MKNK1: variants seen among roughly 807,000 people sequenced by gnomAD.
The protein encoded by MKNK1 is MAPK interacting serine/threonine kinase 1.
MKNK1 carries 30 observed loss-of-function variants against 49.3 expected under a neutral mutation model. The ratio of observed to expected loss-of-function variants is 0.61; its 90% CI spans 0.46 to 0.83. The LOEUF is 0.83. MKNK1 is among the 40% of genes least tolerant of loss of function. The probability of loss-of-function intolerance (pLI) is 0.00; values close to 1 mark genes in which losing one functional copy is unlikely to be tolerated. For synonymous variants in MKNK1, 176 were observed against 201.7 expected, an observed-to-expected ratio of 0.87 and a Z score of 1.08; for missense variants, 423 against 524.7, an observed-to-expected ratio of 0.81 and a Z score of 1.89.
intron 2 of MKNK1, among the ~76,000 whole-genome samples, chr1:46,585,718 C>T (rs555181206): frequency 9.9e-5 from 15 of 152,214 alleles, no homozygotes; most frequent in East Asian, 3.9e-4. Flanking sequence ...CTCAGGCACA[C>T]GACTCTAATG....
At chr1:46,592,935 C>T (rs1055934192) in intron 2 of MKNK1, among the ~76,000 whole-genome samples, 3 of 151,826 alleles carry the variant, frequency 2.0e-5, no homozygotes, top group African/African-American at 7.3e-5. Context: ...TGGCTGGGGA[C>T]GGGGAGCAGG....
At chr1:46,578,609 CAG>C (rs1447793853) in intron 4 of MKNK1, among the ~76,000 whole-genome samples, 2 of 139,860 alleles carry the variant, frequency 1.4e-5, no homozygotes, top group Non-Finnish European at 1.5e-5. Context: ...TTTTTTGAGA[CAG>C]AGTCTCCCTC....
intron 3 of MKNK1, among the ~76,000 whole-genome samples, chr1:46,581,942 C>A (rs1250443803): frequency 6.6e-6 from 1 of 152,140 alleles, no homozygotes; most frequent in African/African-American, 2.4e-5. Flanking sequence ...CATCCCCACT[C>A]GGCCTCCATT....
chr1:46,588,890 G>GAGAGCT (rs1201812713), intron 2 of MKNK1, among the ~76,000 whole-genome samples: 1 of 152,086 alleles, frequency 6.6e-6, no homozygotes, highest in Non-Finnish European at 1.5e-5. Flanking sequence ...ATTGGAGCCT[G>GAGAGCT]AGAGCTATGG....
At chr1:46,590,642 C>T (rs1673195053) in intron 2 of MKNK1, among the ~76,000 whole-genome samples, 1 of 152,214 alleles carries the variant, frequency 6.6e-6, no homozygotes, top group South Asian at 2.1e-4. Context: ...AACCTTAATG[C>T]TGAAAGGCAG....
intron 2 of MKNK1, among the ~76,000 whole-genome samples, chr1:46,586,963 A>G (rs1191299117): frequency 6.6e-6 from 1 of 152,102 alleles, no homozygotes; most frequent in Non-Finnish European, 1.5e-5. Flanking sequence ...ACATGCCACC[A>G]TGTCCGGCTA....
At chr1:46,573,788 T>G (rs1670558231) in intron 6 of MKNK1, 1 of 151,292 alleles carries the variant, frequency 6.6e-6, no homozygotes, top group African/African-American at 2.4e-5. Context: ...GGCTGGAGTG[T>G]AGTGGTGCGA....
Position 46,562,637 on chromosome 1 carries a change from G to A in MKNK1, c.804+12C>T. ...GCAGGGTCTACGCAGTGCTCCCTGG[G>A]GCCGCACTCACCTGGCACACCCTGC... On this transcript the variant is annotated intron_variant, in intron 10 of 12. Coordinates refer to ENST00000371945, the MANE Select transcript of MKNK1 (RefSeq NM_001135553.4). 6.5e-7 allele frequency: 1 copy of A among 1,549,790 alleles called. No individual in the cohort carries two copies. The highest frequency in any genetic ancestry group is 8.7e-7 in the Non-Finnish European group (1 of 1,146,902).
At chr1:46,588,664 G>A (rs1444433136) in intron 2 of MKNK1, among the ~76,000 whole-genome samples, 6 of 152,060 alleles carry the variant, frequency 3.9e-5, no homozygotes, top group African/African-American at 9.7e-5. Flanking sequence ...AAAATTAGCC[G>A]GGCGAGGTGG....
chr1:46,564,474 T>C (rs1171786857), intron 9 of MKNK1, among the ~76,000 whole-genome samples: 1 of 30,292 alleles, frequency 3.3e-5, no homozygotes, highest in Non-Finnish European at 1.7e-4. Flanking sequence ...TTGTTTTTTT[T>C]TTTTTTTTTT....
intron 9 of MKNK1, 45 bp downstream of exon 9, chr1:46,564,996 G>C (rs754411299): frequency 1.9e-6 from 3 of 1,579,350 alleles, no homozygotes; most frequent in Non-Finnish European, 2.6e-6. Context: ...CTCTGGATCA[G>C]GGAAACACTC....
chr1:46,568,597 T>C, intron 7 of MKNK1, 99 bp from the exon 8 acceptor site: 1 of 1,146,346 alleles, frequency 8.7e-7, no homozygotes, highest in East Asian at 2.4e-5. Flanking sequence ...GTTCGCAGAT[T>C]AATTCCCAAT....
chr1:46,585,595 C>CCTT (rs1341862328), intron 2 of MKNK1: 1 of 332,420 alleles, frequency 3.0e-6, no homozygotes, highest in Admixed American at 3.8e-5. Flanking sequence ...AGCTCTTTCT[C>CCTT]CTTCCCCTGT....
chr1:46,603,534 G>C (rs1372572535), intron 1 of MKNK1, among the ~76,000 whole-genome samples: 1 of 152,214 alleles, frequency 6.6e-6, no homozygotes, highest in Non-Finnish European at 1.5e-5. Flanking sequence ...TCCTAGGGAA[G>C]AAAGTGAAGC....
intron 9 of MKNK1, among the ~76,000 whole-genome samples, chr1:46,564,705 C>A (rs1465090216): frequency 6.6e-6 from 1 of 152,008 alleles, no homozygotes; most frequent in African/African-American, 2.4e-5. Flanking sequence ...AAACTCCTGA[C>A]CTCAGGTGAT....
chr1:46,561,343 T>C (rs1667929167), intron 11 of MKNK1, 135 bp downstream of exon 11: 5 of 977,030 alleles, frequency 5.1e-6, no homozygotes, highest in African/African-American at 1.6e-5. Context: ...CTCTACACAC[T>C]CAGGGATAGA....
At chr1:46,578,031 T>C (rs777700554) in intron 4 of MKNK1, among the ~76,000 whole-genome samples, 5 of 152,240 alleles carry the variant, frequency 3.3e-5, no homozygotes, top group Admixed American at 2.0e-4. Flanking sequence ...GGGCCCATTA[T>C]CTGAATGGAG....
chr1:46,573,904 T>C (rs556082667), intron 6 of MKNK1: 2 of 152,352 alleles, frequency 1.3e-5, no homozygotes, highest in African/African-American at 4.8e-5. Context: ...CAGCTAATTT[T>C]TGTATTTTTA....
At chr1:46,601,669 G>A (rs1674746917) in intron 1 of MKNK1, among the ~76,000 whole-genome samples, 1 of 152,122 alleles carries the variant, frequency 6.6e-6, no homozygotes, top group Non-Finnish European at 1.5e-5. Context: ...TCTAAACTGG[G>A]GCCCTCCTTA....
Sources: gnomAD v4.1 joint callset for allele counts (sites outside exome capture counted in the v4.1 genomes callset) on GRCh38, gnomAD v4.1.1 for gene constraint, MANE v1.5 for transcripts, NCBI Gene and HGNC (gene_info 2026-07-23, HGNC 2026-07-21) for gene names.